The following ANTXR1 variants were observed in gnomAD, a reference collection of about 807,000 sequenced individuals.
The protein encoded by ANTXR1 is ANTXR cell adhesion molecule 1, also known as anthrax toxin receptor 1.
A neutral mutation model predicts 78.1 loss-of-function variants in ANTXR1; 19 were observed. That is an observed-to-expected ratio of 0.24 (90% CI 0.17 to 0.36). The LOEUF (loss-of-function observed/expected upper bound fraction) is 0.36. ANTXR1 is among the 10% of genes least tolerant of loss of function. ANTXR1 has a pLI of 1.00. For synonymous variants in ANTXR1, 273 were observed against 260.5 expected (o/e 1.05, Z -0.46); for missense variants, 518 against 718.6 (o/e 0.72, Z 3.19).
At chr2:69,227,661 G>C (rs192845319) in intron 17 of ANTXR1, among the ~76,000 whole-genome samples, 1 of 152,142 alleles carries the variant, frequency 6.6e-6, no homozygotes, top group Admixed American at 6.6e-5. Flanking sequence ...GCTCCATGCT[G>C]TCAGGTGCCC....
intron 12 of ANTXR1, among the ~76,000 whole-genome samples, chr2:69,149,267 G>A (rs1418845315): frequency 6.6e-6 from 1 of 152,144 alleles, no homozygotes; most frequent in African/African-American, 2.4e-5. Flanking sequence ...CAGCCAGAGG[G>A]AACTGGGCCT....
At chr2:69,191,325 A>G (rs1280252894) in intron 16 of ANTXR1, among the ~76,000 whole-genome samples, 1 of 152,252 alleles carries the variant, frequency 6.6e-6, no homozygotes, top group Non-Finnish European at 1.5e-5. Flanking sequence ...ACAATTTTAT[A>G]TGTGTATATA....
At chr2:69,174,854 A>T (rs1461882201) in intron 14 of ANTXR1, among the ~76,000 whole-genome samples, 1 of 152,250 alleles carries the variant, frequency 6.6e-6, no homozygotes, top group Non-Finnish European at 1.5e-5. Context: ...TTTATCATTC[A>T]GCAGCCCTGA....
chr2:69,124,382 C>T (rs1357455241), intron 11 of ANTXR1, among the ~76,000 whole-genome samples, 183 bp from the exon 12 acceptor site: 1 of 152,196 alleles, frequency 6.6e-6, no homozygotes, highest in Admixed American at 6.5e-5. Context: ...GGAGGATGGG[C>T]TATACAGACT....
chr2:69,223,278 C>T (rs1229996454), intron 17 of ANTXR1, among the ~76,000 whole-genome samples: 1 of 152,260 alleles, frequency 6.6e-6, no homozygotes, highest in Non-Finnish European at 1.5e-5. Flanking sequence ...ATGCCTTACT[C>T]AGAGCCAATT....
intron 10 of ANTXR1, among the ~76,000 whole-genome samples, chr2:69,109,411 A>G (rs1357370302): frequency 6.6e-6 from 1 of 152,256 alleles, no homozygotes; most frequent in Non-Finnish European, 1.5e-5. Flanking sequence ...ACACACAAGA[A>G]TAGCCAAGAA....
chr2:69,245,547 C>G lies in ANTXR1; in HGVS notation c.*62C>G. The G allele has an allele frequency of 6.3e-7, 1 of 1,599,932 alleles. No individual in the cohort carries two copies. The highest frequency in any genetic ancestry group is 8.5e-7 in the Non-Finnish European group (1 of 1,175,784). ...TCAGGAGATGTTAGAACAAGTCTTTCCAGTTAGAGAAGAGGAGTGGTGATA... is the reference window on the plus strand; with the variant it reads ...TCAGGAGATGTTAGAACAAGTCTTTGCAGTTAGAGAAGAGGAGTGGTGATA... On this transcript the variant is annotated 3_prime_UTR_variant, in exon 18 of 18. Transcript: ENST00000303714.
At chr2:69,235,990 C>T (rs1204001474) in intron 17 of ANTXR1, among the ~76,000 whole-genome samples, 1 of 152,128 alleles carries the variant, frequency 6.6e-6, no homozygotes, top group Non-Finnish European at 1.5e-5. Flanking sequence ...TGTGAGCGAG[C>T]ACAGGGGAAC....
chr2:69,178,602 G>A (rs555062425), intron 14 of ANTXR1, among the ~76,000 whole-genome samples: 3 of 150,792 alleles, frequency 2.0e-5, no homozygotes, highest in African/African-American at 7.5e-5. Context: ...GGACTAGAGG[G>A]AGAACTGCCC....
chr2:69,225,484 T>G (rs764777816), intron 17 of ANTXR1, among the ~76,000 whole-genome samples: 23 of 152,132 alleles, frequency 1.5e-4, no homozygotes, highest in Non-Finnish European at 2.6e-4. Context: ...AAAATTTATT[T>G]TTTATTTTAT....
rs199812324 is a variant in ANTXR1, at chr2:69,149,354, GC to G, written c.952-2813del. Reference sequence around the variant, plus strand: ...AAAGCCAGCTATCACTTTATCCAAAGCCAGGAAATCTCCCAGTATGGAAGCC... The same window carrying G: ...AAAGCCAGCTATCACTTTATCCAAAGCAGGAAATCTCCCAGTATGGAAGCC... On this transcript the variant is annotated intron_variant, in intron 12 of 17. Coordinates refer to ENST00000303714, the MANE Select transcript of ANTXR1 (RefSeq NM_032208.3). Among the ~76,000 whole-genome samples the G allele has an allele frequency of 7.4e-3, 1,121 of 152,282 alleles. 16 individuals carry two copies. The highest frequency in any genetic ancestry group is 0.025 in the African/African-American group (1,020 of 41,550).
chr2:69,230,590 G>A (rs1370518908), intron 17 of ANTXR1, among the ~76,000 whole-genome samples: 1 of 152,114 alleles, frequency 6.6e-6, no homozygotes, highest in African/African-American at 2.4e-5. Context: ...GGCAATTTGA[G>A]TATATGTATG....
intron 17 of ANTXR1, among the ~76,000 whole-genome samples, chr2:69,195,867 A>C (rs1318333384): frequency 3.9e-5 from 6 of 152,026 alleles, no homozygotes; most frequent in Non-Finnish European, 8.8e-5. Context: ...TTTTCACAGC[A>C]ATTGAAAAAC....
At chr2:69,156,009 C>T (rs1291203191) in intron 13 of ANTXR1, among the ~76,000 whole-genome samples, 1 of 152,044 alleles carries the variant, frequency 6.6e-6, no homozygotes, top group Non-Finnish European at 1.5e-5. Context: ...TGTCCCTATA[C>T]CTACACCTTC....
intron 8 of ANTXR1, among the ~76,000 whole-genome samples, chr2:69,086,801 T>C (rs1452189769): frequency 6.6e-6 from 1 of 152,228 alleles, no homozygotes; most frequent in Non-Finnish European, 1.5e-5. Flanking sequence ...TTTTGACCAC[T>C]CTTCTTGGTG....
chr2:69,045,515 G>A (rs1669737457), intron 3 of ANTXR1, among the ~76,000 whole-genome samples: 1 of 152,124 alleles, frequency 6.6e-6, no homozygotes, highest in African/African-American at 2.4e-5. Context: ...GCCCACATGA[G>A]AGAAGCACCA....
intron 9 of ANTXR1, among the ~76,000 whole-genome samples, chr2:69,099,119 C>T (rs938553464): frequency 2.6e-5 from 4 of 152,220 alleles, no homozygotes; most frequent in Non-Finnish European, 4.4e-5. Flanking sequence ...TCCCCCATTT[C>T]TCCCTCCCTC....
Position 69,140,692 on chromosome 2 carries a change from T to C in ANTXR1, c.952-11477T>C, listed in dbSNP as rs556081869. Among the ~76,000 whole-genome samples the C allele has an allele frequency of 1.5e-4, 23 of 152,340 alleles. No individual in the cohort carries two copies. The South Asian group carries it at 3.3e-3, about 22-fold the overall frequency. ...GGTGTTTCAGAATTGCTTTGGGCAA[T>C]GGCTGTATCACTGGAGGTAGTCTCC... On this transcript the variant is annotated intron_variant, in intron 12 of 17. Transcript: ENST00000303714.
Sources: gnomAD v4.1 joint callset for allele counts (sites outside exome capture counted in the v4.1 genomes callset) on GRCh38, gnomAD v4.1.1 for gene constraint, MANE v1.5 for transcripts, NCBI Gene and HGNC (gene_info 2026-07-23, HGNC 2026-07-21) for gene names.